SLIT3: variants seen among roughly 807,000 people sequenced by gnomAD.
SLIT3 encodes slit homolog 3 protein.
A neutral mutation model predicts 184.0 loss-of-function variants in SLIT3; 68 were observed. The ratio of observed to expected loss-of-function variants is 0.37; its 90% confidence interval spans 0.30 to 0.45. The LOEUF is 0.45. SLIT3 is among the 20% of genes least tolerant of loss of function. The pLI, the probability that SLIT3 is intolerant of heterozygous loss-of-function variation, is 1.00. For missense variants in SLIT3, 1,707 were observed against 2,026.0 expected (o/e 0.84, Z 3.02); for synonymous variants, 831 against 828.6 (o/e 1.00, Z -0.05).
intron 5 of SLIT3, among the ~76,000 whole-genome samples, chr5:168,855,126 A>C (rs1209465822): frequency 6.6e-6 from 1 of 152,224 alleles, no homozygotes; most frequent in East Asian, 1.9e-4. Flanking sequence ...AGTGCCTGGC[A>C]CACAGGAGGT....
chr5:168,749,564 C>T lies in SLIT3; in HGVS notation c.2045G>A (p.Arg682Gln), dbSNP rs138307962. 106 of 1,614,200 alleles carry T rather than the reference C, an allele frequency of 6.6e-5. No individual in the cohort carries two copies. In the African/African-American group the frequency reaches 9.5e-4, roughly 14 times the overall value. ...AWLGKWLRKR[R>Q]IVSGNPRCQK... ...GCACCTAGGGTTCCCACTGACGATCCGCCTCTTCCTCAACCACTTGCCGAG... is the reference window on the plus strand; with the variant it reads ...GCACCTAGGGTTCCCACTGACGATCTGCCTCTTCCTCAACCACTTGCCGAG... The change falls in exon 19 of 36, where the codon CGG becomes CAG. Residue 682 changes from arginine (R) to glutamine (Q), a missense_variant. By Grantham distance (43) the Arg-to-Gln change is conservative (BLOSUM62 1). Transcript: ENST00000519560.
chr5:169,128,224 G>A (rs1200571940), intron 4 of SLIT3, among the ~76,000 whole-genome samples: 1 of 147,808 alleles, frequency 6.8e-6, no homozygotes, highest in Non-Finnish European at 1.5e-5. Context: ...ACGGGTCATG[G>A]ATTATATATA....
At chr5:168,975,906 G>A (rs1029252086) in intron 4 of SLIT3, among the ~76,000 whole-genome samples, 3 of 152,306 alleles carry the variant, frequency 2.0e-5, no homozygotes, top group Middle Eastern at 3.4e-3. Context: ...GCAAGAGGAA[G>A]GGAGCAGTAC....
In SLIT3 at chr5:168,806,596, C is replaced by T; in HGVS notation, c.794-9G>A. The T allele has an allele frequency of 6.2e-7, 1 of 1,613,952 alleles. No homozygotes were observed. Among genetic ancestry groups the T allele is most frequent in the Admixed American group, 1.7e-5 (1 of 60,014 alleles). The stretch of plus-strand genomic sequence containing the variant: ...GGGCTCCGAGTGGGGGGCTGTGGAG[C>T]CAAGACACAACGGTCAACTTATGTC... On this transcript the variant is annotated splice_polypyrimidine_tract_variant and intron_variant, in intron 8 of 35. Coordinates refer to ENST00000519560, the MANE Select transcript of SLIT3 (RefSeq NM_003062.4).
At chr5:168,936,599 C>A (rs919753) in intron 4 of SLIT3, among the ~76,000 whole-genome samples, 2 of 151,934 alleles carry the variant, frequency 1.3e-5, no homozygotes, top group South Asian at 4.2e-4. Context: ...TGAGAAAGAA[C>A]GAATCTCCCC....
At chr5:169,279,471 C>T (rs1366001450) in intron 1 of SLIT3, among the ~76,000 whole-genome samples, 1 of 152,042 alleles carries the variant, frequency 6.6e-6, no homozygotes, top group Non-Finnish European at 1.5e-5. Flanking sequence ...TGCATACATA[C>T]AGAAAAGGAA....
intron 4 of SLIT3, among the ~76,000 whole-genome samples, chr5:169,020,872 G>A (rs146825305): frequency 1.4e-3 from 212 of 152,292 alleles, no homozygotes; most frequent in African/African-American, 4.7e-3. Flanking sequence ...CCCCATCACT[G>A]ACCAGTAGAT....
At chr5:168,953,313 A>G (rs1399281418) in intron 4 of SLIT3, among the ~76,000 whole-genome samples, 1 of 152,198 alleles carries the variant, frequency 6.6e-6, no homozygotes, top group Non-Finnish European at 1.5e-5. Context: ...TACTATGCCC[A>G]TCTCATCAGT....
chr5:169,132,957 C>T (rs1174049240), intron 4 of SLIT3, among the ~76,000 whole-genome samples: 1 of 152,034 alleles, frequency 6.6e-6, no homozygotes, highest in Non-Finnish European at 1.5e-5. Flanking sequence ...ATTTTCAAGC[C>T]ATTGCTTTTG....
chr5:169,106,170 A>G (rs1760199596), intron 4 of SLIT3, among the ~76,000 whole-genome samples: 1 of 152,192 alleles, frequency 6.6e-6, no homozygotes, highest in South Asian at 2.1e-4. Context: ...TGTGTAACAA[A>G]CCTGCACATC....
intron 1 of SLIT3, among the ~76,000 whole-genome samples, chr5:169,252,899 G>A (rs11954621): frequency 0.41 from 62,215 of 151,832 alleles, 12,850 homozygotes; most frequent in Middle Eastern, 0.52. Flanking sequence ...TAATCTCCTG[G>A]TATCAGACAT....
intron 3 of SLIT3, among the ~76,000 whole-genome samples, chr5:169,207,477 T>A (rs997640264): frequency 6.6e-6 from 1 of 151,558 alleles, no homozygotes; most frequent in Non-Finnish European, 1.5e-5. Flanking sequence ...CAGTATAGGA[T>A]GAACAGAGGT....
chr5:169,093,502 G>C (rs1038568279), intron 4 of SLIT3, among the ~76,000 whole-genome samples: 2 of 152,222 alleles, frequency 1.3e-5, no homozygotes, highest in African/African-American at 4.8e-5. Flanking sequence ...AAGCTGATTG[G>C]CCCAGGTCTG....
chr5:168,906,288 T>C (rs919326731), intron 4 of SLIT3, among the ~76,000 whole-genome samples: 7 of 152,374 alleles, frequency 4.6e-5, no homozygotes, highest in Admixed American at 3.3e-4. Context: ...CTTGCCTTTG[T>C]GTTGCCCATT....
At position 168,663,628 on chromosome 5, in the gene SLIT3, A is replaced by C. The variant is rs1760942303; in HGVS notation, c.*2826T>G. 1 of 151,298 alleles carries C rather than the reference A, an allele frequency of 6.6e-6. No individual in the cohort carries two copies. Among genetic ancestry groups the C allele is most frequent in the African/African-American group, 2.4e-5 (1 of 41,018 alleles). The allele number at this position is 151,298 out of a possible 1,614,324, so 9.4% of individuals were successfully genotyped here. A position where few individuals can be genotyped will look rare whatever the true frequency, so the allele number is the denominator to read the frequency against. ...TGGTCAAAACCCTACCTTCCTACCT[A>C]CCCCATTTCTCTCTGCTCCTCAGTG... is the stretch of plus-strand genomic sequence containing the variant. On this transcript the variant is annotated 3_prime_UTR_variant, in exon 36 of 36. Transcript: ENST00000519560.
At chr5:169,130,546 G>A (rs1396323657) in intron 4 of SLIT3, among the ~76,000 whole-genome samples, 1 of 152,166 alleles carries the variant, frequency 6.6e-6, no homozygotes, top group African/African-American at 2.4e-5. Context: ...ATATGAATAA[G>A]CATCATCAGG....
intron 1 of SLIT3, among the ~76,000 whole-genome samples, chr5:169,260,645 A>C (rs1428998956): frequency 6.6e-6 from 1 of 152,192 alleles, no homozygotes; most frequent in African/African-American, 2.4e-5. Flanking sequence ...CACCTCTGAA[A>C]TGATCCCTGT....
intron 4 of SLIT3, among the ~76,000 whole-genome samples, chr5:169,165,570 T>C (rs1762611956): frequency 6.6e-6 from 1 of 152,246 alleles, no homozygotes; most frequent in Non-Finnish European, 1.5e-5. Flanking sequence ...ATTCATTCAT[T>C]TGACAAATTC....
At chr5:168,696,235 A>G (rs568112621) in intron 28 of SLIT3, 57 bp downstream of exon 28, 1 of 1,600,800 alleles carries the variant, frequency 6.2e-7, no homozygotes, top group Admixed American at 1.7e-5. Flanking sequence ...AGTTAAGAAA[A>G]TGGTATTCTA....
Sources: gnomAD v4.1 joint callset for allele counts (sites outside exome capture counted in the v4.1 genomes callset) on GRCh38, gnomAD v4.1.1 for gene constraint, MANE v1.5 for transcripts, NCBI Gene and HGNC (gene_info 2026-07-23, HGNC 2026-07-21) for gene names.